OPA1: variants seen among roughly 807,000 people sequenced by gnomAD.
OPA1 encodes dynamin-like GTPase OPA1, mitochondrial.
OPA1 carries 59 observed loss-of-function variants against 152.9 expected under a neutral mutation model. The observed-to-expected ratio is 0.39, with a 90% CI of 0.31 to 0.48. OPA1 has a LOEUF of 0.48. Ranked by LOEUF, OPA1 falls within the 20% of genes least tolerant of loss-of-function variation. The probability of loss-of-function intolerance (pLI) is 0.96; values close to 1 mark genes in which losing one functional copy is unlikely to be tolerated. For missense variants in OPA1, 1,008 were observed against 1,216.8 expected, an observed-to-expected ratio of 0.83 and a Z score of 2.55; for synonymous variants, 400 against 389.9, an observed-to-expected ratio of 1.03 and a Z score of -0.31.
chr3:193,676,183 T>C (rs1007821551), intron 29 of OPA1, among the ~76,000 whole-genome samples: 1 of 152,242 alleles, frequency 6.6e-6, no homozygotes, highest in Non-Finnish European at 1.5e-5. Context: ...TTCAAGTACT[T>C]TTTGGAATGA....
chr3:193,687,551 T>C (rs770684394), intron 29 of OPA1, among the ~76,000 whole-genome samples: 13 of 152,224 alleles, frequency 8.5e-5, no homozygotes, highest in Admixed American at 2.0e-4. Context: ...ATACACGTAT[T>C]TCTGAGAGAA....
intron 21 of OPA1, among the ~76,000 whole-genome samples, chr3:193,654,438 G>T (rs1233861282): frequency 2.0e-5 from 3 of 151,820 alleles, no homozygotes; most frequent in Non-Finnish European, 4.4e-5. Flanking sequence ...TGAGGCTCCA[G>T]TGAGCCATGA....
At chr3:193,678,806 C>A (rs887068430) in intron 29 of OPA1, among the ~76,000 whole-genome samples, 1 of 152,094 alleles carries the variant, frequency 6.6e-6, no homozygotes, top group African/African-American at 2.4e-5. Context: ...TTCATTATAT[C>A]CCCTTTCTCT....
In OPA1 at chr3:193,610,729, G is replaced by C. The variant is rs188447130; in HGVS notation, c.33-3994G>C. 6.4e-3 allele frequency among the ~76,000 whole-genome samples: 980 copies of C among 152,304 alleles called. 4 individuals are homozygous for C. The highest frequency in any genetic ancestry group is 9.1e-3 in the Non-Finnish European group (617 of 68,026). On this transcript the variant is annotated intron_variant, in intron 1 of 30. Coordinates refer to ENST00000361510, the MANE Select transcript of OPA1 (RefSeq NM_130837.3). ...GCTTTTTTTACCTGCTCAAGCCTCC[G>C]CAATGGCGGGCACCCCTCCCCCAGC...
At chr3:193,637,082 C>A in intron 9 of OPA1, 113 bp from the exon 10 acceptor site, 1 of 598,396 alleles carries the variant, frequency 1.7e-6, no homozygotes, top group Non-Finnish European at 2.9e-6. Flanking sequence ...GAAAACAGTA[C>A]AATGATTATG....
At chr3:193,614,637 T>G (rs1728742385) in intron 1 of OPA1, 86 bp from the exon 2 acceptor site, 1 of 878,962 alleles carries the variant, frequency 1.1e-6, no homozygotes, top group South Asian at 1.4e-5. Flanking sequence ...GGGGCTGTGT[T>G]TCCTTTAGTA....
intron 15 of OPA1, 119 bp from the exon 16 acceptor site, chr3:193,643,856 G>A (rs1036718088): frequency 4.4e-6 from 5 of 1,127,474 alleles, no homozygotes; most frequent in South Asian, 2.8e-5. Flanking sequence ...AGTAAATAAC[G>A]TAAATGTATT....
At position 193,602,244 on chromosome 3, in the gene OPA1, G is replaced by A. The variant is rs1273636130; in HGVS notation, c.32+8835G>A. ...CTGAGGGGGCCCTTTTGAATTGTGA[G>A]ATGTGGACCCATGGTTCAAAGCCCT... On this transcript the variant is annotated intron_variant, in intron 1 of 30. Coordinates refer to ENST00000361510, the MANE Select transcript of OPA1 (RefSeq NM_130837.3). 2.0e-5 allele frequency among the ~76,000 whole-genome samples: 3 copies of A among 152,258 alleles called. No homozygotes were observed. The East Asian group carries it at 5.8e-4, about 29-fold the overall frequency.
At chr3:193,631,945 G>A (rs1732146509) in intron 8 of OPA1, among the ~76,000 whole-genome samples, 2 of 152,140 alleles carry the variant, frequency 1.3e-5, no homozygotes, top group South Asian at 4.1e-4. Flanking sequence ...ACTTATGCTT[G>A]CATTTTTACA....
Position 193,648,852 on chromosome 3 carries a change from C to G in OPA1, c.1993C>G (p.Gln665Glu). Residue 665 changes from glutamine to glutamate, a missense_variant, in exon 21 of 31, where the codon CAG (glutamine) becomes GAG (glutamate). Physicochemically the swap from Gln to Glu is conservative, Grantham distance 29. Coordinates refer to ENST00000361510, the MANE Select transcript of OPA1 (RefSeq NM_130837.3). The part of the protein sequence containing the change: ...EILDEVISLS[Q>E]VTPKHWEEIL... Reference sequence around the variant, plus strand: ...CCTTGATGAAGTTATCAGTCTGAGCCAGGTTACACCAAAACATTGGTAAGT... The same window carrying G: ...CCTTGATGAAGTTATCAGTCTGAGCGAGGTTACACCAAAACATTGGTAAGT... 1 of 1,606,636 alleles carries G rather than the reference C, an allele frequency of 6.2e-7. No homozygotes were observed. The highest frequency in any genetic ancestry group is 8.5e-7 in the Non-Finnish European group (1 of 1,173,580).
At chr3:193,669,470 G>T (rs1267581930) in intron 29 of OPA1, among the ~76,000 whole-genome samples, 2 of 152,126 alleles carry the variant, frequency 1.3e-5, no homozygotes, top group East Asian at 1.9e-4. Context: ...GTCATCTTCG[G>T]CAGGGAATCT....
In OPA1 at chr3:193,615,760, T is replaced by C; in HGVS notation, c.438T>C (p.Tyr146=). The C allele has an allele frequency of 6.2e-7, 1 of 1,600,408 alleles. No homozygotes were observed. Among genetic ancestry groups the C allele is most frequent in the Non-Finnish European group, 8.6e-7 (1 of 1,167,546 alleles). ...VPDIVWEIDE[Y]IDFEKIRKAL... ...ACATTGTGTGGGAAATTGATGAGTA[T>C]ATCGATTTTGGTTTGTATCATGAAC... Residue 146 remains tyrosine, a synonymous_variant, in exon 3 of 31, where the codon TAT becomes TAC. Transcript: ENST00000361510.
chr3:193,685,105 G>A (rs887590313), intron 29 of OPA1, among the ~76,000 whole-genome samples: 14 of 152,066 alleles, frequency 9.2e-5, no homozygotes, highest in Admixed American at 5.2e-4. Flanking sequence ...TTTGAGACCA[G>A]CCTAGCCAAT....
intron 10 of OPA1, 135 bp from the exon 11 acceptor site, chr3:193,637,817 T>G (rs568758255): frequency 1.3e-6 from 1 of 756,930 alleles, no homozygotes; most frequent in South Asian, 1.6e-5. Flanking sequence ...CACCATTTTT[T>G]TACGGATTTT....
In OPA1 at chr3:193,694,928, T is replaced by G. The variant is rs191915236; in HGVS notation, c.*328T>G. 41 of 152,344 alleles carry G rather than the reference T, an allele frequency of 2.7e-4. No individual in the cohort carries two copies. The highest frequency in any genetic ancestry group is 4.3e-4 in the African/African-American group (18 of 41,576). 9.4% of individuals were successfully genotyped at this position (152,344 alleles called of 1,614,324 possible). ...CTTATTTGTGGTGGCACTCGTTTAA[T>G]GGATTAACTGAGGTTGCTCAATGTT... On this transcript the variant is annotated 3_prime_UTR_variant, in exon 31 of 31. Coordinates refer to ENST00000361510, the MANE Select transcript of OPA1 (RefSeq NM_130837.3).
At chr3:193,594,976 G>T (rs1485401814) in intron 1 of OPA1, among the ~76,000 whole-genome samples, 1 of 152,180 alleles carries the variant, frequency 6.6e-6, no homozygotes, top group South Asian at 2.1e-4. Flanking sequence ...TGTATAAGAA[G>T]AACTACAAAG....
At chr3:193,688,189 G>A (rs914106123) in intron 29 of OPA1, among the ~76,000 whole-genome samples, 1 of 152,062 alleles carries the variant, frequency 6.6e-6, no homozygotes, top group African/African-American at 2.4e-5. Context: ...GGGCAACTTC[G>A]TTTATCATTG....
At chr3:193,624,040 C>G (rs1730624533) in intron 6 of OPA1, 1 of 152,484 alleles carries the variant, frequency 6.6e-6, no homozygotes, top group Non-Finnish European at 1.5e-5. Context: ...GAGACATGTC[C>G]CTAGAGTGTT....
At chr3:193,663,898 T>C (rs1379997844) in intron 26 of OPA1, among the ~76,000 whole-genome samples, 2 of 152,148 alleles carry the variant, frequency 1.3e-5, no homozygotes, top group African/African-American at 4.8e-5. Flanking sequence ...GAATGTGGAT[T>C]TAGGTTTTAT....
Sources: gnomAD v4.1 joint callset for allele counts (sites outside exome capture counted in the v4.1 genomes callset) on GRCh38, gnomAD v4.1.1 for gene constraint, MANE v1.5 for transcripts, NCBI Gene and HGNC (gene_info 2026-07-23, HGNC 2026-07-21) for gene names.